The following UVRAG variants were observed in gnomAD, a reference collection of about 807,000 sequenced individuals.
The protein encoded by UVRAG is UV radiation resistance associated.
UVRAG carries 19 observed loss-of-function variants against 78.0 expected under a neutral mutation model. The ratio of observed to expected loss-of-function variants is 0.24; its 90% confidence interval spans 0.17 to 0.36. The LOEUF (loss-of-function observed/expected upper bound fraction) is 0.36. Ranked by LOEUF, UVRAG falls within the 10% of genes least tolerant of loss-of-function variation. The pLI is 1.00. For synonymous variants in UVRAG, 323 were observed against 324.6 expected (o/e 1.00, Z 0.05); for missense variants, 740 against 853.8 (o/e 0.87, Z 1.66).
intron 6 of UVRAG, among the ~76,000 whole-genome samples, chr11:75,958,635 A>G (rs1456145686): frequency 1.3e-5 from 2 of 152,176 alleles, no homozygotes; most frequent in Non-Finnish European, 2.9e-5. Context: ...GAGGGTTGGA[A>G]TCAGCTTCTT....
intron 14 of UVRAG, among the ~76,000 whole-genome samples, chr11:76,121,873 T>A (rs1952284232): frequency 6.6e-6 from 1 of 152,180 alleles, no homozygotes; most frequent in Non-Finnish European, 1.5e-5. Flanking sequence ...GCTACAGAGA[T>A]AAGTGTGTAT....
chr11:76,110,530 C>T (rs1264810277), intron 13 of UVRAG, among the ~76,000 whole-genome samples: 1 of 152,072 alleles, frequency 6.6e-6, no homozygotes, highest in African/African-American at 2.4e-5. Context: ...TGTTAATTAA[C>T]AAGTATTTAT....
chr11:76,054,299 C>G (rs1418748971), intron 12 of UVRAG, among the ~76,000 whole-genome samples: 1 of 152,176 alleles, frequency 6.6e-6, no homozygotes, highest in Non-Finnish European at 1.5e-5. Context: ...ATGAGAGAAT[C>G]CAACCACTTC....
In UVRAG at chr11:75,818,060, AAAACAAAC is replaced by A. The variant is rs145140799; in HGVS notation, c.117+2556_117+2563del. ...GGGTGACAGAGTGAGACTCTATCTA[AAAACAAAC>A]AAACAAACAAACAAACAAAAAACCC... On this transcript the variant is annotated intron_variant, in intron 1 of 14. Transcript: ENST00000356136. 3.8e-4 allele frequency among the ~76,000 whole-genome samples: 57 copies of A among 151,164 alleles called. 1 individual carries two copies. Among genetic ancestry groups the A allele is most frequent in the Middle Eastern group, 3.4e-3 (1 of 294 alleles).
At chr11:75,826,180 G>A (rs776991912) in intron 1 of UVRAG, among the ~76,000 whole-genome samples, 1 of 149,806 alleles carries the variant, frequency 6.7e-6, no homozygotes, top group East Asian at 2.0e-4. Context: ...CTTTTAAGAC[G>A]GAGTCTTGCT....
At chr11:75,849,007 T>C (rs1946094459) in intron 1 of UVRAG, among the ~76,000 whole-genome samples, 1 of 152,048 alleles carries the variant, frequency 6.6e-6, no homozygotes, top group Admixed American at 6.6e-5. Context: ...GGTGAAACCC[T>C]GTCTTTACTA....
intron 6 of UVRAG, among the ~76,000 whole-genome samples, chr11:75,959,290 C>G (rs1948865418): frequency 6.6e-6 from 1 of 152,208 alleles, no homozygotes; most frequent in South Asian, 2.1e-4. Context: ...GCTGTTTCAT[C>G]TATGTTGAAA....
intron 12 of UVRAG, among the ~76,000 whole-genome samples, chr11:76,021,602 C>G (rs1950247753): frequency 6.6e-6 from 1 of 152,004 alleles, no homozygotes; most frequent in African/African-American, 2.4e-5. Context: ...AAGATGGCAA[C>G]TTAGGTTAAT....
At position 75,891,892 on chromosome 11, in the gene UVRAG, C is replaced by T. The variant is rs572396260; in HGVS notation, c.507+2989C>T. ...TGGCGCCACTTCACTGGGCAATGGACGAGACCCTGTCTCAGGGAGGGGAAA... is the reference window on the plus strand; with the variant it reads ...TGGCGCCACTTCACTGGGCAATGGATGAGACCCTGTCTCAGGGAGGGGAAA... On this transcript the variant is annotated intron_variant, in intron 5 of 14. Coordinates refer to ENST00000356136, the MANE Select transcript of UVRAG (RefSeq NM_003369.4). Among the ~76,000 whole-genome samples, 59 of 151,470 alleles carry T rather than the reference C, an allele frequency of 3.9e-4. No homozygotes were observed. In the South Asian group the frequency reaches 0.011, roughly 29 times the overall value.
chr11:75,820,254 AG>A (rs1286581194), intron 1 of UVRAG, among the ~76,000 whole-genome samples: 1 of 152,194 alleles, frequency 6.6e-6, no homozygotes, highest in African/African-American at 2.4e-5. Context: ...TTGGGATTAT[AG>A]GCATAAGCCA....
chr11:76,072,652 T>A (rs913061938), intron 13 of UVRAG, among the ~76,000 whole-genome samples: 1 of 152,232 alleles, frequency 6.6e-6, no homozygotes, highest in African/African-American at 2.4e-5. Flanking sequence ...TGTGAATATA[T>A]TTTTAATGTG....
intron 1 of UVRAG, among the ~76,000 whole-genome samples, chr11:75,847,865 G>A (rs1038065894): frequency 2.6e-5 from 4 of 151,846 alleles, no homozygotes; most frequent in Non-Finnish European, 4.4e-5. Context: ...CAGCTACTCA[G>A]GAGGCTGAGG....
At chr11:76,020,649 CTTTTTTTTTTT>C (rs35112254) in intron 12 of UVRAG, among the ~76,000 whole-genome samples, 1,239 of 52,380 alleles carry the variant, frequency 0.024, 30 homozygotes, top group African/African-American at 0.088. Flanking sequence ...AAGAAGGAGT[CTTTTTTTTTTT>C]TTTTTTTTTT....
intron 14 of UVRAG, among the ~76,000 whole-genome samples, chr11:76,125,440 C>G (rs148844223): frequency 6.6e-6 from 1 of 152,174 alleles, no homozygotes; most frequent in East Asian, 1.9e-4. Flanking sequence ...TCTTCCATAA[C>G]TCATTCCAGA....
At chr11:75,894,425 G>A (rs148461685) in intron 5 of UVRAG, among the ~76,000 whole-genome samples, 16 of 152,222 alleles carry the variant, frequency 1.1e-4, no homozygotes, top group African/African-American at 3.6e-4. Flanking sequence ...AATAATGAGA[G>A]TGGGTGTTCA....
intron 12 of UVRAG, among the ~76,000 whole-genome samples, chr11:76,039,740 G>A (rs1950607021): frequency 6.6e-6 from 1 of 152,072 alleles, no homozygotes; most frequent in African/African-American, 2.4e-5. Context: ...CCGGATGTGG[G>A]GGTGGGCACC....
intron 6 of UVRAG, among the ~76,000 whole-genome samples, chr11:75,928,979 A>G (rs940425608): frequency 6.7e-6 from 1 of 148,616 alleles, no homozygotes; most frequent in Non-Finnish European, 1.5e-5. Flanking sequence ...TGAAAGCTGA[A>G]TTTAGCAACT....
intron 5 of UVRAG, among the ~76,000 whole-genome samples, chr11:75,901,590 A>G (rs1448277798): frequency 1.3e-5 from 2 of 151,054 alleles, no homozygotes; most frequent in Non-Finnish European, 2.9e-5. Context: ...TACTTTCTCA[A>G]GTCAGAACAT....
Position 75,985,229 on chromosome 11 carries a change from G to A in UVRAG, c.826+1716G>A, listed in dbSNP as rs529991568. 2.7e-5 allele frequency among the ~76,000 whole-genome samples: 4 copies of A among 150,430 alleles called. No homozygotes were observed. In the South Asian group the frequency reaches 8.4e-4, roughly 31 times the overall value. On this transcript the variant is annotated intron_variant, in intron 8 of 14. Coordinates refer to ENST00000356136, the MANE Select transcript of UVRAG (RefSeq NM_003369.4). ...ATTTTTCGTTTTAGCCTTTCTGTTG[G>A]ATATGTTGTAATATCCTCTTGCAGT...
Sources: allele counts gnomAD v4.1 joint callset (sites outside exome capture counted in the v4.1 genomes callset), GRCh38; gene constraint gnomAD v4.1.1; transcripts MANE v1.5; gene names NCBI Gene and HGNC (gene_info 2026-07-23, HGNC 2026-07-21).